The following NPAS3 variants were observed in gnomAD, a reference collection of about 807,000 sequenced individuals.
NPAS3 encodes neuronal PAS domain-containing protein 3.
NPAS3 carries 14 observed loss-of-function variants against 73.1 expected under a neutral mutation model. The ratio of observed to expected loss-of-function variants is 0.19; its 90% CI spans 0.13 to 0.30. NPAS3 has a LOEUF of 0.30. NPAS3 is among the 10% of genes least tolerant of loss of function. NPAS3 has a pLI of 1.00. For synonymous variants in NPAS3, 620 were observed against 541.5 expected, an observed-to-expected ratio of 1.14 and a Z score of -2.01; for missense variants, 1,096 against 1,250.0, an observed-to-expected ratio of 0.88 and a Z score of 1.86.
At chr14:33,152,470 T>C (rs1325550493) in intron 2 of NPAS3, among the ~76,000 whole-genome samples, 1 of 152,162 alleles carries the variant, frequency 6.6e-6, no homozygotes, top group African/African-American at 2.4e-5. Context: ...TATTGTCCCA[T>C]GTGGTTCCCA....
intron 4 of NPAS3, among the ~76,000 whole-genome samples, chr14:33,522,133 C>T (rs536886146): frequency 6.6e-6 from 1 of 152,238 alleles, no homozygotes; most frequent in South Asian, 2.1e-4. Flanking sequence ...ATTAAGTGCT[C>T]ATATTTGACA....
At chr14:33,388,137 C>A (rs993432495) in intron 4 of NPAS3, among the ~76,000 whole-genome samples, 1 of 152,100 alleles carries the variant, frequency 6.6e-6, no homozygotes, top group South Asian at 2.1e-4. Context: ...ATGCACAGGG[C>A]TTTGCAAGGG....
In NPAS3 at chr14:33,160,750, T is replaced by A. The variant is rs556219838; in HGVS notation, c.141-54432T>A. 3.9e-5 allele frequency among the ~76,000 whole-genome samples: 6 copies of A among 152,060 alleles called. No homozygotes were observed. In the South Asian group the frequency reaches 1.2e-3, roughly 32 times the overall value. Reference sequence around the variant, plus strand: ...TTATTTATTTACTTTTTTTTTGTTTTAAGTCACAGAACTGCAGGAACTTGG... The same window carrying A: ...TTATTTATTTACTTTTTTTTTGTTTAAAGTCACAGAACTGCAGGAACTTGG... On this transcript the variant is annotated intron_variant, in intron 2 of 11. Coordinates refer to ENST00000356141, the Ensembl canonical transcript of NPAS3.
At chr14:33,499,922 C>T (rs571213426) in intron 4 of NPAS3, among the ~76,000 whole-genome samples, 1 of 152,020 alleles carries the variant, frequency 6.6e-6, no homozygotes, top group African/African-American at 2.4e-5. Context: ...TTCTCCTCTG[C>T]GCAACTCCAG....
intron 4 of NPAS3, among the ~76,000 whole-genome samples, chr14:33,519,896 C>T (rs939580879): frequency 3.9e-5 from 6 of 152,020 alleles, no homozygotes; most frequent in African/African-American, 1.2e-4. Context: ...TTGGGAGGTA[C>T]GTTAGGGGCC....
At chr14:33,663,267 G>A (rs567024126) in intron 5 of NPAS3, among the ~76,000 whole-genome samples, 11 of 152,242 alleles carry the variant, frequency 7.2e-5, no homozygotes, top group African/African-American at 1.9e-4. Context: ...TTCACTGAGC[G>A]TTTTTAGCAT....
At chr14:33,794,132 G>A in intron 10 of NPAS3, 88 bp downstream of exon 10, 1 of 1,183,192 alleles carries the variant, frequency 8.5e-7, no homozygotes, top group South Asian at 1.4e-5. Context: ...GACATGTTGT[G>A]AATATTATCT....
At chr14:33,260,239 A>C (rs2048924332) in intron 3 of NPAS3, among the ~76,000 whole-genome samples, 1 of 152,146 alleles carries the variant, frequency 6.6e-6, no homozygotes, top group Non-Finnish European at 1.5e-5. Flanking sequence ...GAGTAAACTT[A>C]GATTTTTGAA....
chr14:33,412,750 G>A (rs554327953), intron 4 of NPAS3, among the ~76,000 whole-genome samples: 2 of 152,156 alleles, frequency 1.3e-5, no homozygotes, highest in Non-Finnish European at 2.9e-5. Context: ...TACCTGTAGA[G>A]TGGGGATGTA....
intron 5 of NPAS3, among the ~76,000 whole-genome samples, chr14:33,599,081 C>G (rs573068990): frequency 6.6e-6 from 1 of 152,182 alleles, no homozygotes; most frequent in South Asian, 2.1e-4. Context: ...TTTTATCAGG[C>G]ACTAGAAGCT....
At chr14:33,339,051 T>G (rs1183956769) in intron 3 of NPAS3, among the ~76,000 whole-genome samples, 1 of 152,216 alleles carries the variant, frequency 6.6e-6, no homozygotes, top group Non-Finnish European at 1.5e-5. Flanking sequence ...TAATAATTTT[T>G]CAGTAACGTC....
At chr14:33,512,735 T>G (rs2053116607) in intron 4 of NPAS3, among the ~76,000 whole-genome samples, 1 of 152,038 alleles carries the variant, frequency 6.6e-6, no homozygotes, top group South Asian at 2.1e-4. Flanking sequence ...ATAGCCTCTG[T>G]GGCTTGGCAA....
In NPAS3 at chr14:33,030,622, G is replaced by A. The variant is rs915047704; in HGVS notation, c.51-25283G>A. On this transcript the variant is annotated intron_variant, in intron 1 of 11. Coordinates refer to ENST00000356141, the Ensembl canonical transcript of NPAS3. The stretch of plus-strand genomic sequence containing the variant: ...GATCAGACTCAATGTCAAAACAGGC[G>A]AAAATACAGCTGTCACTCTGGACAA... Among the ~76,000 whole-genome samples the A allele has an allele frequency of 6.6e-5, 10 of 152,106 alleles. 1 individual carries two copies. The East Asian group carries it at 7.7e-4, about 12-fold the overall frequency.
At chr14:33,017,091 C>G (rs1303316325) in intron 1 of NPAS3, among the ~76,000 whole-genome samples, 1 of 152,192 alleles carries the variant, frequency 6.6e-6, no homozygotes, top group Non-Finnish European at 1.5e-5. Flanking sequence ...AAATTCATCT[C>G]ATGGCACTAA....
At chr14:33,331,831 CG>C (rs901618505) in intron 3 of NPAS3, among the ~76,000 whole-genome samples, 10 of 152,172 alleles carry the variant, frequency 6.6e-5, no homozygotes, top group African/African-American at 2.4e-4. Flanking sequence ...AATATTCTTA[CG>C]TAAGGCCCAG....
chr14:33,365,046 T>C (rs2045776164), intron 3 of NPAS3, among the ~76,000 whole-genome samples: 1 of 151,664 alleles, frequency 6.6e-6, no homozygotes, highest in African/African-American at 2.4e-5. Flanking sequence ...TTTTGAACTT[T>C]GTAATTGGAG....
chr14:33,289,089 A>G (rs537309741), intron 3 of NPAS3, among the ~76,000 whole-genome samples: 1 of 152,312 alleles, frequency 6.6e-6, no homozygotes, highest in South Asian at 2.1e-4. Flanking sequence ...TTTATGTTGG[A>G]GATGCCAAGT....
chr14:33,733,464 G>T (rs1370184252), intron 6 of NPAS3, among the ~76,000 whole-genome samples: 1 of 152,056 alleles, frequency 6.6e-6, no homozygotes, highest in African/African-American at 2.4e-5. Flanking sequence ...TTTAAGTTTT[G>T]ATCTCTCTGC....
At chr14:33,306,493 T>G (rs531702919) in intron 3 of NPAS3, among the ~76,000 whole-genome samples, 1 of 152,316 alleles carries the variant, frequency 6.6e-6, no homozygotes, top group South Asian at 2.1e-4. Flanking sequence ...ATACATAATG[T>G]TCATTTTGAG....
Sources: gnomAD v4.1 joint callset for allele counts (sites outside exome capture counted in the v4.1 genomes callset) on GRCh38, gnomAD v4.1.1 for gene constraint, MANE v1.5 for transcripts, NCBI Gene and HGNC (gene_info 2026-07-23, HGNC 2026-07-21) for gene names.